Variants in SYT13 observed in about 807,000 individuals in gnomAD.
SYT13 encodes the protein synaptotagmin-13.
Under a neutral mutation model 38.6 loss-of-function variants are expected in SYT13, and 21 were observed. The observed-to-expected ratio is 0.54, with a 90% CI of 0.39 to 0.78. SYT13 has a LOEUF of 0.78. Among genes scored for constraint, SYT13 ranks in the 30% least tolerant of loss-of-function variants. SYT13 has a pLI of 0.00. For synonymous variants in SYT13, 241 were observed against 237.6 expected, an observed-to-expected ratio of 1.01 and a Z score of -0.13; for missense variants, 495 against 548.7, an observed-to-expected ratio of 0.90 and a Z score of 0.98.
intron 4 of SYT13, among the ~76,000 whole-genome samples, chr11:45,247,695 G>C (rs1482139840): frequency 1.1e-4 from 16 of 152,170 alleles, no homozygotes; most frequent in Admixed American, 1.0e-3. Flanking sequence ...GTTTTTCTTT[G>C]CTCACTGTGG....
intron 1 of SYT13, among the ~76,000 whole-genome samples, chr11:45,273,815 C>A (rs1434016385): frequency 6.6e-6 from 1 of 152,210 alleles, no homozygotes; most frequent in Non-Finnish European, 1.5e-5. Context: ...GTCTGGAATA[C>A]TGTTAATGAA....
At chr11:45,257,879 A>G (rs1233856976) in intron 1 of SYT13, among the ~76,000 whole-genome samples, 1 of 152,172 alleles carries the variant, frequency 6.6e-6, no homozygotes, top group African/African-American at 2.4e-5. Flanking sequence ...TGCATTTCCA[A>G]GTGTTTTCTT....
chr11:45,274,241 G>T (rs1854983552), intron 1 of SYT13, among the ~76,000 whole-genome samples: 1 of 152,102 alleles, frequency 6.6e-6, no homozygotes, highest in Non-Finnish European at 1.5e-5. Flanking sequence ...CAAATGCAAG[G>T]CTACAATGTG....
intron 2 of SYT13, among the ~76,000 whole-genome samples, chr11:45,255,100 A>C (rs765845977): frequency 6.6e-6 from 1 of 152,128 alleles, no homozygotes; most frequent in Non-Finnish European, 1.5e-5. Flanking sequence ...TGGGAGACAG[A>C]GCAAGACCCC....
rs539225181 is a variant in SYT13 at position 45,240,825 on chromosome 11, C to T, written c.*3227G>A. ...GAAATGGTCTCTCACCTTATTTTTACCTCTACCTCACACCCTTTTTAGAAA... is the reference window on the plus strand; with the variant it reads ...GAAATGGTCTCTCACCTTATTTTTATCTCTACCTCACACCCTTTTTAGAAA... On this transcript the variant is annotated 3_prime_UTR_variant, in exon 6 of 6. Coordinates refer to ENST00000020926, the MANE Select transcript of SYT13 (RefSeq NM_020826.3). 1 of 152,344 alleles carries T rather than the reference C, an allele frequency of 6.6e-6. No homozygotes were observed. The highest frequency in any genetic ancestry group is 1.9e-4 in the East Asian group (1 of 5,192). 9.4% of individuals were successfully genotyped at this position (152,344 alleles called of 1,614,324 possible).
At position 45,244,369 on chromosome 11, in the gene SYT13, A is replaced by G. The variant is rs1203415135; in HGVS notation, c.977-13T>C. ...TTGACAGAGACATCTGGGGAGGGGC[A>G]GAGGGGAAAAAGAGACAGAGAGAAG... On this transcript the variant is annotated splice_polypyrimidine_tract_variant and intron_variant, in intron 5 of 5. Coordinates refer to ENST00000020926, the MANE Select transcript of SYT13 (RefSeq NM_020826.3). The G allele has an allele frequency of 6.2e-7, 1 of 1,606,722 alleles. No individual in the cohort carries two copies. The highest frequency in any genetic ancestry group is 8.5e-7 in the Non-Finnish European group (1 of 1,175,534).
intron 1 of SYT13, among the ~76,000 whole-genome samples, chr11:45,262,721 TCACACACACACACACACACA>T (rs71451610): frequency 5.1e-5 from 4 of 78,266 alleles, no homozygotes; most frequent in South Asian, 5.2e-4. Context: ...GGAGATCCTA[TCACACACACACACACACACA>T]CACACACACA....
At chr11:45,251,441 TTTAGCATGAGGG>T (rs1341489851) in intron 4 of SYT13, among the ~76,000 whole-genome samples, 5 of 151,538 alleles carry the variant, frequency 3.3e-5, no homozygotes, top group Non-Finnish European at 7.4e-5. Flanking sequence ...TGCTTTTTGC[TTTAGCATGAGGG>T]TTGTCAAACA....
At chr11:45,279,520 G>A (rs114734372) in intron 1 of SYT13, among the ~76,000 whole-genome samples, 2,014 of 152,268 alleles carry the variant, frequency 0.013, 43 homozygotes, top group African/African-American at 0.046. Context: ...TCAGAAGATC[G>A]AGGCAGCAGT....
Position 45,244,279 on chromosome 11 carries a change from T to C in SYT13, c.1054A>G (p.Ile352Val). 6.2e-7 allele frequency: 1 copy of C among 1,613,996 alleles called. No homozygotes were observed. Among genetic ancestry groups the C allele is most frequent in the Non-Finnish European group, 8.5e-7 (1 of 1,180,028 alleles). ...KKQTKRAKHKINPVWNEMIMF... is the reference protein window; with the variant it reads ...KKQTKRAKHKVNPVWNEMIMF... Reference sequence around the variant, plus strand: ...ATCATCTCGTTCCACACGGGGTTGATCTTGTGCTTAGCTCGTTTAGTCTGC... The same window carrying C: ...ATCATCTCGTTCCACACGGGGTTGACCTTGTGCTTAGCTCGTTTAGTCTGC... Residue 352 changes from isoleucine (I) to valine (V), a missense_variant, in exon 6 of 6, where the codon ATC becomes GTC. Physicochemically the swap from Ile to Val is conservative, Grantham distance 29 (BLOSUM62 3). Coordinates refer to ENST00000020926, the MANE Select transcript of SYT13 (RefSeq NM_020826.3).
chr11:45,254,139 G>A (rs1378326701), intron 3 of SYT13, 131 bp downstream of exon 3: 8 of 1,043,708 alleles, frequency 7.7e-6, no homozygotes, highest in Non-Finnish European at 9.2e-6. Flanking sequence ...AGCTCCATGT[G>A]TTCCAGGGTC....
In SYT13 at chr11:45,252,670, C is replaced by T. The variant is rs750956953; in HGVS notation, c.597G>A (p.Val199=). ...GGCDCYVQGS[V]ANRTGSVEAQ... The stretch of plus-strand genomic sequence containing the variant: ...CCTCCACAGAGCCGGTCCTATTGGC[C>T]ACACTCCCTTGGACGTAGCAGTCAC... The change falls in exon 4 of 6, where the codon GTG becomes GTA. Residue 199 remains valine (V), a synonymous_variant. Coordinates refer to ENST00000020926, the MANE Select transcript of SYT13 (RefSeq NM_020826.3). The surrounding 1 kb of genome is among the most constrained non-coding windows in gnomAD (Gnocchi z 4.3). The T allele has an allele frequency of 6.2e-7, 1 of 1,610,008 alleles. No homozygotes were observed. Among genetic ancestry groups the T allele is most frequent in the Non-Finnish European group, 8.5e-7 (1 of 1,176,886 alleles).
At position 45,277,301 on chromosome 11, in the gene SYT13, G is replaced by A. The variant is rs182615354; in HGVS notation, c.183+8724C>T. Reference sequence around the variant, plus strand: ...GAGGAAAATGTTTTAGAACTAGGTGGAGGTAGTGGCTGCACAACAATGTGA... The same window carrying A: ...GAGGAAAATGTTTTAGAACTAGGTGAAGGTAGTGGCTGCACAACAATGTGA... On this transcript the variant is annotated intron_variant, in intron 1 of 5. Coordinates refer to ENST00000020926, the MANE Select transcript of SYT13 (RefSeq NM_020826.3). Among the ~76,000 whole-genome samples the A allele has an allele frequency of 2.0e-3, 301 of 152,300 alleles. 1 individual carries two copies. Among genetic ancestry groups the A allele is most frequent in the African/African-American group, 7.0e-3 (292 of 41,542 alleles).
chr11:45,245,148 T>A (rs2135883861), intron 5 of SYT13, among the ~76,000 whole-genome samples: 3 of 152,334 alleles, frequency 2.0e-5, no homozygotes, highest in Admixed American at 2.0e-4. Context: ...TGCCTGTTCC[T>A]GCACGCTCCC....
chr11:45,281,219 T>C (rs898910079), intron 1 of SYT13, among the ~76,000 whole-genome samples: 7 of 151,816 alleles, frequency 4.6e-5, no homozygotes, highest in Admixed American at 2.0e-4. Flanking sequence ...AAGAAAGAAA[T>C]TCAGCACTTA....
intron 1 of SYT13, among the ~76,000 whole-genome samples, chr11:45,272,759 A>C (rs1854965920): frequency 6.6e-6 from 1 of 152,238 alleles, no homozygotes; most frequent in South Asian, 2.1e-4. Context: ...TTTTGAAATG[A>C]GAATAACAGC....
chr11:45,277,145 C>T (rs1855020308), intron 1 of SYT13, among the ~76,000 whole-genome samples: 1 of 152,142 alleles, frequency 6.6e-6, no homozygotes, highest in African/African-American at 2.4e-5. Flanking sequence ...AAGCCAGTCA[C>T]AAAAGACCAC....
chr11:45,251,881 G>A (rs1854680815), intron 4 of SYT13, among the ~76,000 whole-genome samples: 1 of 152,166 alleles, frequency 6.6e-6, no homozygotes, highest in African/African-American at 2.4e-5. Context: ...CCTAGCACAC[G>A]GGGCCTTCTA....
chr11:45,276,696 C>A (rs80064946), intron 1 of SYT13, among the ~76,000 whole-genome samples: 1 of 148,432 alleles, frequency 6.7e-6, no homozygotes, highest in Middle Eastern at 3.4e-3. Context: ...ACTTTGCACC[C>A]AGTAGGATGA....
Sources: gnomAD v4.1 joint callset for allele counts (sites outside exome capture counted in the v4.1 genomes callset) on GRCh38, gnomAD v4.1.1 for gene constraint, Gnocchi (gnomAD v3.1) non-coding constraint, MANE v1.5 for transcripts, NCBI Gene and HGNC (gene_info 2026-07-23, HGNC 2026-07-21) for gene names.